Variants in TSNARE1 observed in about 807,000 individuals in gnomAD.
TSNARE1 encodes the protein t-SNARE domain containing 1, also known as t-SNARE domain-containing protein 1.
A neutral mutation model predicts 62.0 loss-of-function variants in TSNARE1; 49 were observed. That is an observed-to-expected ratio of 0.79 (90% confidence interval 0.63 to 1.00). TSNARE1 has a LOEUF of 1.00. Among genes scored for constraint, TSNARE1 ranks in the 50% least tolerant of loss-of-function variants. The pLI, the probability that TSNARE1 is intolerant of heterozygous loss-of-function variation, is 0.00. For synonymous variants in TSNARE1, 328 were observed against 294.4 expected (o/e 1.11, Z -1.17); for missense variants, 755 against 700.1 (o/e 1.08, Z -0.88).
intron 9 of TSNARE1, among the ~76,000 whole-genome samples, chr8:142,312,346 G>A (rs1827733797): frequency 6.6e-6 from 1 of 152,176 alleles, no homozygotes; most frequent in Non-Finnish European, 1.5e-5. Flanking sequence ...TGTTACCTAT[G>A]ATGCCTGATG....
intron 12 of TSNARE1, among the ~76,000 whole-genome samples, chr8:142,237,138 C>T (rs1817473580): frequency 7.9e-6 from 1 of 127,192 alleles, no homozygotes; most frequent in African/African-American, 3.4e-5. Flanking sequence ...GAGCCCACCT[C>T]CTGCTCAGCC....
At chr8:142,387,964 A>T (rs138932774) in intron 1 of TSNARE1, among the ~76,000 whole-genome samples, 49 of 152,340 alleles carry the variant, frequency 3.2e-4, no homozygotes, top group Non-Finnish European at 5.7e-4. Context: ...AAAGAAAACT[A>T]CAGACCAACC....
At chr8:142,254,669 G>T (rs568124530) in intron 12 of TSNARE1, among the ~76,000 whole-genome samples, 1 of 152,304 alleles carries the variant, frequency 6.6e-6, no homozygotes, top group South Asian at 2.1e-4. Context: ...GGGGAAGGCG[G>T]GGCATCAGAG....
intron 12 of TSNARE1, among the ~76,000 whole-genome samples, chr8:142,260,285 A>C (rs1818792022): frequency 1.3e-5 from 2 of 152,168 alleles, no homozygotes. Context: ...AGAGCCTGAG[A>C]GCCACAGAAG....
chr8:142,331,032 A>G (rs1211311649), intron 5 of TSNARE1, 62 bp from the exon 6 acceptor site: 2 of 1,494,446 alleles, frequency 1.3e-6, no homozygotes, highest in African/African-American at 2.8e-5. Context: ...CTGCTACTCC[A>G]TATGGGTGGC....
intron 12 of TSNARE1, among the ~76,000 whole-genome samples, chr8:142,230,409 C>A (rs1817046168): frequency 6.6e-6 from 1 of 152,128 alleles, no homozygotes; most frequent in African/African-American, 2.4e-5. Flanking sequence ...TAGACACCAC[C>A]CCTAGACAGC....
intron 12 of TSNARE1, 67 bp downstream of exon 12, chr8:142,274,714 G>T: frequency 7.0e-7 from 1 of 1,423,318 alleles, no homozygotes; most frequent in Admixed American, 3.0e-5. Context: ...GACAGACGGA[G>T]GGAGGGTTGG....
At position 142,219,830 on chromosome 8, in the gene TSNARE1, C is replaced by G. The variant is rs548724115; in HGVS notation, c.*12-7517G>C. ...CCCGGCCTCCCAGCCTCCTTCACCC[C>G]GAAGGCCCGCTGCCCAGGACAACCC... On this transcript the variant is annotated intron_variant, in intron 13 of 13. Transcript: ENST00000524325. 2.0e-5 allele frequency among the ~76,000 whole-genome samples: 3 copies of G among 152,332 alleles called. No individual in the cohort carries two copies. In the South Asian group the frequency reaches 6.2e-4, roughly 32 times the overall value.
chr8:142,390,985 A>G (rs867684178), intron 1 of TSNARE1, among the ~76,000 whole-genome samples: 28 of 107,432 alleles, frequency 2.6e-4, no homozygotes, highest in East Asian at 7.0e-4. Context: ...TGGGGACTCT[A>G]TAGCAGACGC....
At chr8:142,335,175 T>C (rs986165143) in intron 4 of TSNARE1, among the ~76,000 whole-genome samples, 5 of 151,656 alleles carry the variant, frequency 3.3e-5, no homozygotes, top group Non-Finnish European at 7.4e-5. Flanking sequence ...TGACATGTGA[T>C]CTTCAATGTA....
chr8:142,371,704 A>ATTT (rs1835928936), intron 1 of TSNARE1, among the ~76,000 whole-genome samples: 1 of 152,112 alleles, frequency 6.6e-6, no homozygotes, highest in South Asian at 2.1e-4. Flanking sequence ...ACCTGCAACA[A>ATTT]TTTGTCAGGC....
Position 142,273,942 on chromosome 8 carries a change from C to T in TSNARE1, c.1446+839G>A, listed in dbSNP as rs1423880727. ...TGGGCTCGTCTGGCTGCTCCTGGAC[C>T]CTGGCCTCACACCCACTGCACCATC... On this transcript the variant is annotated intron_variant, in intron 12 of 13. Coordinates refer to ENST00000524325, the MANE Select transcript of TSNARE1 (RefSeq NM_145003.5). 7 of 985,128 alleles carry T rather than the reference C, an allele frequency of 7.1e-6. No homozygotes were observed. The Admixed American group carries it at 4.3e-4, about 61-fold the overall frequency. The allele number at this position is 985,128 out of a possible 1,614,324, so 61.0% of individuals were successfully genotyped here.
chr8:142,394,524 C>T (rs1198610773), intron 1 of TSNARE1, among the ~76,000 whole-genome samples: 2 of 152,180 alleles, frequency 1.3e-5, no homozygotes, highest in African/African-American at 2.4e-5. Flanking sequence ...AGGCACAAAT[C>T]GACTCACCTG....
chr8:142,404,099 C>T (rs1195529105), upstream of TSNARE1: 1 of 151,880 alleles, frequency 6.6e-6, no homozygotes, highest in East Asian at 1.9e-4. Flanking sequence ...CGCCCTCACT[C>T]TGTGATGCTT....
At chr8:142,315,551 G>T (rs1048112652) in intron 7 of TSNARE1, among the ~76,000 whole-genome samples, 1 of 152,240 alleles carries the variant, frequency 6.6e-6, no homozygotes, top group Non-Finnish European at 1.5e-5. Context: ...TTCCTGCTGG[G>T]ATGTTCGCCA....
At chr8:142,383,700 T>A (rs891659239) in intron 1 of TSNARE1, among the ~76,000 whole-genome samples, 7 of 152,170 alleles carry the variant, frequency 4.6e-5, no homozygotes, top group African/African-American at 1.4e-4. Context: ...CTGGAACATT[T>A]CCTTTTTCAA....
chr8:142,284,364 G>A (rs761330933), intron 11 of TSNARE1, 49 bp downstream of exon 11: 3 of 1,495,260 alleles, frequency 2.0e-6, no homozygotes, highest in Non-Finnish European at 2.8e-6. Context: ...GGGGCTGGCA[G>A]GCAGGCCCTC....
At chr8:142,273,025 A>C in intron 12 of TSNARE1, 1 of 985,428 alleles carries the variant, frequency 1.0e-6, no homozygotes. Flanking sequence ...AGGTGACTTC[A>C]CGGCCGCCTC....
chr8:142,344,649 C>T (rs918301293), intron 3 of TSNARE1, among the ~76,000 whole-genome samples, 177 bp from the exon 4 acceptor site: 1 of 152,236 alleles, frequency 6.6e-6, no homozygotes, highest in African/African-American at 2.4e-5. Context: ...GATCCCCTAG[C>T]CCTGACACTG....
Sources: gnomAD v4.1 joint callset for allele counts (sites outside exome capture counted in the v4.1 genomes callset) on GRCh38, gnomAD v4.1.1 for gene constraint, MANE v1.5 for transcripts, NCBI Gene and HGNC (gene_info 2026-07-23, HGNC 2026-07-21) for gene names.